Variants in SHC2 observed in about 807,000 individuals in gnomAD.
The protein encoded by SHC2 is SHC-transforming protein 2.
A neutral mutation model predicts 60.6 loss-of-function variants in SHC2; 62 were observed. The observed-to-expected ratio is 1.02, with a 90% CI of 0.83 to 1.26. SHC2 has a LOEUF of 1.26. Among genes scored for constraint, SHC2 ranks in the 50% most tolerant of loss-of-function variants. SHC2 has a pLI of 0.00. For missense variants in SHC2, 873 were observed against 822.2 expected (o/e 1.06, Z -0.76); for synonymous variants, 375 against 372.4 (o/e 1.01, Z -0.08).
chr19:425,000 C>A lies in SHC2; in HGVS notation c.1309+97G>T, dbSNP rs1974373672. The A allele has an allele frequency of 8.0e-7, 1 of 1,251,434 alleles. No individual in the cohort carries two copies. The highest frequency in any genetic ancestry group is 1.0e-6 in the Non-Finnish European group (1 of 963,226). 77.5% of individuals were successfully genotyped at this position (1,251,434 alleles called of 1,614,324 possible). A position where few individuals can be genotyped will look rare whatever the true frequency, so the allele number is the denominator to read the frequency against. On this transcript the variant is annotated intron_variant, in intron 10 of 12. Transcript: ENST00000264554. The surrounding 1 kb of genome is among the most constrained non-coding windows in gnomAD (Gnocchi z 4.5). Reference sequence around the variant, plus strand: ...GGAGAAGGGAGCCTCCCCCATCAGACCAGGGAATCCCGTAGGGAGTGGGGG... The same window carrying A: ...GGAGAAGGGAGCCTCCCCCATCAGAACAGGGAATCCCGTAGGGAGTGGGGG...
chr19:445,965 G>C lies in SHC2; in HGVS notation c.469-5033C>G, dbSNP rs1434392249. On this transcript the variant is annotated intron_variant, in intron 1 of 12. Transcript: ENST00000264554. The surrounding 1 kb of genome is among the most constrained non-coding windows in gnomAD (Gnocchi z 4.4). ...AGCTACTTGGGAGGCTGAGGCAGGA[G>C]AATCATTTGAACCCAGGAGGCGGAG... 6.6e-6 allele frequency among the ~76,000 whole-genome samples: 1 copy of C among 151,974 alleles called. No homozygotes were observed. Among genetic ancestry groups the C allele is most frequent in the African/African-American group, 2.4e-5 (1 of 41,366 alleles).
At chr19:437,777 T>C (rs1201729830) in intron 4 of SHC2, among the ~76,000 whole-genome samples, 1 of 151,016 alleles carries the variant, frequency 6.6e-6, no homozygotes, top group African/African-American at 2.4e-5. Flanking sequence ...CACCCCAAAC[T>C]CCTCACGATG....
intron 8 of SHC2, 139 bp from the exon 9 acceptor site, chr19:430,886 T>C (rs553010788): frequency 2.2e-4 from 163 of 745,036 alleles, no homozygotes; most frequent in Admixed American, 7.0e-4. Flanking sequence ...CTCCCATTGC[T>C]CTCTCACTCT....
chr19:460,379 G>A, intron 1 of SHC2, 150 bp downstream of exon 1: 1 of 323,418 alleles, frequency 3.1e-6, no homozygotes. Context: ...GCCGCCGGCC[G>A]CCGGCCGGGG....
intron 1 of SHC2, among the ~76,000 whole-genome samples, chr19:456,711 CT>C (rs928248364): frequency 5.1e-4 from 78 of 152,328 alleles, no homozygotes; most frequent in African/African-American, 1.8e-3. Flanking sequence ...TGTGCCCCCC[CT>C]AGAACTCTGT....
chr19:429,632 A>G (rs1974516308), intron 9 of SHC2, among the ~76,000 whole-genome samples: 1 of 120,496 alleles, frequency 8.3e-6, no homozygotes, highest in Non-Finnish European at 1.8e-5. Context: ...TGGATGACAC[A>G]GTACCTATAC....
At chr19:421,562 A>G (rs2145687458) in intron 11 of SHC2, among the ~76,000 whole-genome samples, 1 of 152,296 alleles carries the variant, frequency 6.6e-6, no homozygotes, top group Middle Eastern at 3.4e-3. Context: ...TTAGAACCTG[A>G]AAATACCATA....
chr19:430,246 G>A (rs555953444), intron 9 of SHC2, among the ~76,000 whole-genome samples: 3 of 146,826 alleles, frequency 2.0e-5, no homozygotes, highest in East Asian at 2.1e-4. Context: ...CAACGTGCAC[G>A]GAAACCTAAT....
rs908180065 is a variant in SHC2, at chr19:424,695, G to A, written c.1309+402C>T. 1.3e-5 allele frequency among the ~76,000 whole-genome samples: 2 copies of A among 152,182 alleles called. No individual in the cohort carries two copies. Among genetic ancestry groups the A allele is most frequent in the African/African-American group, 4.8e-5 (2 of 41,446 alleles). On this transcript the variant is annotated intron_variant, in intron 10 of 12. Transcript: ENST00000264554. This position sits in a 1 kb window ranked among gnomAD's most constrained non-coding sequence, Gnocchi z 4.5. ...CGGGGGTTCCGACAGAGGCAGGTGG[G>A]TTACCCCCGAGAGAGTGGAGCTTCT...
At chr19:436,999 TCACA>T (rs1195757405) in intron 4 of SHC2, among the ~76,000 whole-genome samples, 2 of 151,054 alleles carry the variant, frequency 1.3e-5, no homozygotes, top group African/African-American at 4.9e-5. Context: ...GCCCAGACGC[TCACA>T]CACACACACC....
intron 1 of SHC2, among the ~76,000 whole-genome samples, chr19:455,197 G>A (rs1242110389): frequency 2.0e-5 from 3 of 152,292 alleles, no homozygotes; most frequent in South Asian, 4.1e-4. Context: ...CCCCAGAGCC[G>A]CCGACCCCGG....
rs764957506 is a variant in SHC2 at position 422,460 on chromosome 19, C to G, written c.1310-4G>C. ...TTCAGGGCATCCTCAAAGGGTCCTG[C>G]AGGCCAGGGACAGGAGTGCTGGGCA... On this transcript the variant is annotated splice_region_variant and splice_polypyrimidine_tract_variant and intron_variant, in intron 10 of 12. Transcript: ENST00000264554. The surrounding 1 kb of genome is among the most constrained non-coding windows in gnomAD (Gnocchi z 5.0). 8 of 1,532,002 alleles carry G rather than the reference C, an allele frequency of 5.2e-6. No homozygotes were observed. Among genetic ancestry groups the G allele is most frequent in the Non-Finnish European group, 6.2e-6 (7 of 1,136,966 alleles). 94.9% of individuals were successfully genotyped at this position (1,532,002 alleles called of 1,614,324 possible).
At chr19:436,121 C>A in intron 7 of SHC2, 44 bp downstream of exon 7, 2 of 1,600,652 alleles carry the variant, frequency 1.2e-6, no homozygotes, top group South Asian at 2.2e-5. Context: ...CTGGGCAGGT[C>A]ACTGGGGGTG....
chr19:425,376 G>C lies in SHC2; in HGVS notation c.1175-145C>G, dbSNP rs1974389815. ...CGGATGCTGCTCTGGTCTCCCTGTG[G>C]TAACCCGCCCGTCTGCAGGTGCCAC... On this transcript the variant is annotated intron_variant, in intron 9 of 12. Coordinates refer to ENST00000264554, the MANE Select transcript of SHC2 (RefSeq NM_012435.3). The surrounding 1 kb of genome is among the most constrained non-coding windows in gnomAD (Gnocchi z 4.1). 9.3e-6 allele frequency: 6 copies of C among 647,710 alleles called. No individual in the cohort carries two copies. Among genetic ancestry groups the C allele is most frequent in the Non-Finnish European group, 1.3e-5 (6 of 454,352 alleles). The allele number at this position is 647,710 out of a possible 1,614,324, so 40.1% of individuals were successfully genotyped here.
chr19:418,663 CAG>C (rs1289939877), intron 12 of SHC2, among the ~76,000 whole-genome samples: 1 of 152,134 alleles, frequency 6.6e-6, no homozygotes. Flanking sequence ...GGCCCATCCA[CAG>C]AGACAGGAGG....
At chr19:429,021 C>T (rs967506004) in intron 9 of SHC2, among the ~76,000 whole-genome samples, 6 of 150,200 alleles carry the variant, frequency 4.0e-5, no homozygotes, top group Admixed American at 2.0e-4. Flanking sequence ...TGCAAAGAAA[C>T]CTAATACCGT....
Position 460,905 on chromosome 19 carries a change from CG to C in SHC2, c.91del (p.Arg31GlufsTer148). 1 of 990,662 alleles carries C rather than the reference CG, an allele frequency of 1.0e-6. No homozygotes were observed. Among genetic ancestry groups the C allele is most frequent in the Non-Finnish European group, 1.2e-6 (1 of 834,980 alleles). 61.4% of individuals were successfully genotyped at this position (990,662 alleles called of 1,614,324 possible). On this transcript the variant is annotated frameshift_variant, in exon 1 of 13. Transcript: ENST00000264554. LOFTEE classifies it high-confidence loss of function. ...GGCCGCGAACTTCCACTGCGGCATT[CG>C]GGGCAGCAACGCGCAGAAGGTGGTG... ...APTTFCALLP[R>X]MPQWKFAAPG...
chr19:433,511 C>T (rs1227617439), intron 8 of SHC2, among the ~76,000 whole-genome samples: 6 of 23,524 alleles, frequency 2.6e-4, no homozygotes, highest in African/African-American at 6.2e-4. Context: ...AGATAGATGG[C>T]GCTTCATCGT....
chr19:439,063 G>A (rs764225373), intron 2 of SHC2, 33 bp from the exon 3 acceptor site: 2 of 1,520,032 alleles, frequency 1.3e-6, no homozygotes, highest in Non-Finnish European at 1.8e-6. Flanking sequence ...TAGAGAGTGT[G>A]GTGGGGGTGG....
Sources: gnomAD v4.1 joint callset for allele counts (sites outside exome capture counted in the v4.1 genomes callset) on GRCh38, gnomAD v4.1.1 for gene constraint, Gnocchi (gnomAD v3.1) non-coding constraint, MANE v1.5 for transcripts, NCBI Gene and HGNC (gene_info 2026-07-23, HGNC 2026-07-21) for gene names.